The following FHIT variants were observed in gnomAD, a reference collection of about 807,000 sequenced individuals.
The protein encoded by FHIT is fragile histidine triad diadenosine triphosphatase.
In FHIT, 19 loss-of-function variants were observed where a neutral mutation model predicts 17.9. That is an observed-to-expected ratio of 1.06 (90% CI 0.74 to 1.56). The LOEUF (loss-of-function observed/expected upper bound fraction) is 1.56, where lower values mean the gene tolerates loss of function less well. Among genes scored for constraint, FHIT ranks in the 40% most tolerant of loss-of-function variants. The pLI is 0.00. For missense variants in FHIT, 248 were observed against 189.2 expected, an observed-to-expected ratio of 1.31 and a Z score of -1.82; for synonymous variants, 81 against 69.7, an observed-to-expected ratio of 1.16 and a Z score of -0.81.
intron 8 of FHIT, among the ~76,000 whole-genome samples, chr3:59,835,714 G>T (rs1701316161): frequency 6.6e-6 from 1 of 152,134 alleles, no homozygotes; most frequent in Admixed American, 6.6e-5. Context: ...ATTACAATAT[G>T]CATTGAGAAG....
rs11923919 is a variant in FHIT at position 60,496,539 on chromosome 3, G to T, written c.103+40321C>A. On this transcript the variant is annotated intron_variant, in intron 5 of 9. Transcript: ENST00000492590. ...ACAGATGTTTTCACCCAATGCTATGGAGTATCAACTGACACAAGCACTTAA... is the reference window on the plus strand; with the variant it reads ...ACAGATGTTTTCACCCAATGCTATGTAGTATCAACTGACACAAGCACTTAA... 2.3e-3 allele frequency among the ~76,000 whole-genome samples: 354 copies of T among 152,236 alleles called. 2 individuals are homozygous for T. Among genetic ancestry groups the T allele is most frequent in the African/African-American group, 7.7e-3 (320 of 41,540 alleles).
At chr3:60,779,619 T>C (rs1303791779) in intron 4 of FHIT, among the ~76,000 whole-genome samples, 1 of 152,090 alleles carries the variant, frequency 6.6e-6, no homozygotes, top group Admixed American at 6.6e-5. Flanking sequence ...GGAGGAGAAC[T>C]GGGTTCCACA....
rs866197406 is a variant in FHIT, at chr3:60,325,994, G to A, written c.103+210866C>T. Among the ~76,000 whole-genome samples the A allele has an allele frequency of 2.0e-5, 3 of 152,230 alleles. No individual in the cohort carries two copies. The South Asian group carries it at 6.2e-4, about 32-fold the overall frequency. On this transcript the variant is annotated intron_variant, in intron 5 of 9. Transcript: ENST00000492590. ...ATGATGCAAATACTATCAAGCGAGG[G>A]CACTTCCTGTCATATAACACAGAAG...
intron 2 of FHIT, among the ~76,000 whole-genome samples, chr3:61,120,845 TG>T (rs931814677): frequency 7.9e-5 from 12 of 151,586 alleles, no homozygotes; most frequent in African/African-American, 2.7e-4. Context: ...CTAAGAAACT[TG>T]AAAAAAGGTT....
chr3:60,543,717 A>C (rs1413063323), intron 4 of FHIT, among the ~76,000 whole-genome samples: 2 of 151,720 alleles, frequency 1.3e-5, no homozygotes, highest in Non-Finnish European at 2.9e-5. Context: ...ATTGCTTCTA[A>C]TGGTTTCTGC....
intron 3 of FHIT, among the ~76,000 whole-genome samples, chr3:60,964,646 A>G (rs1339877653): frequency 6.6e-6 from 1 of 152,182 alleles, no homozygotes; most frequent in African/African-American, 2.4e-5. Context: ...AAAGTCTCTC[A>G]GCATTTGCTT....
chr3:60,539,385 T>C (rs560849360), intron 4 of FHIT, among the ~76,000 whole-genome samples: 16 of 152,248 alleles, frequency 1.1e-4, no homozygotes, highest in South Asian at 2.1e-4. Flanking sequence ...GACAGTGTGG[T>C]GATTCCTCAG....
rs1353738100 is a variant in FHIT, at chr3:59,851,891, A to G, written c.348+70455T>C. ...GTCTTTTTAAAACAAACTAGTAAGA[A>G]GGTCCCAATTAAGAGAAAAAGAGTA... is the stretch of plus-strand genomic sequence containing the variant. On this transcript the variant is annotated intron_variant, in intron 8 of 9. Coordinates refer to ENST00000492590, the MANE Select transcript of FHIT (RefSeq NM_002012.4). Among the ~76,000 whole-genome samples the G allele has an allele frequency of 2.0e-5, 3 of 152,224 alleles. No individual in the cohort carries two copies. In the East Asian group the frequency reaches 5.8e-4, roughly 29 times the overall value.
rs190490614 is a variant in FHIT, at chr3:61,030,925, G to C, written c.-111+11122C>G. 4.5e-3 allele frequency among the ~76,000 whole-genome samples: 684 copies of C among 152,250 alleles called. 4 individuals carry two copies. The highest frequency in any genetic ancestry group is 0.02 in the Middle Eastern group (6 of 294). On this transcript the variant is annotated intron_variant, in intron 3 of 9. Transcript: ENST00000492590. ...CCATGTGGCTGCAGGAGAGTAAGGG[G>C]AGAAGGCAAGTAAAATGGTAGGAGA...
intron 4 of FHIT, among the ~76,000 whole-genome samples, chr3:60,672,874 C>CGTGCGTGTGTGTGTGTGT (rs1553694318): frequency 1.4e-5 from 2 of 139,478 alleles, no homozygotes; most frequent in Non-Finnish European, 3.1e-5. Context: ...CTCTTTGTAG[C>CGTGCGTGTGTGTGTGTGT]GTGTGTGTGT....
chr3:60,837,729 G>C (rs1702584936), intron 3 of FHIT, among the ~76,000 whole-genome samples: 1 of 151,792 alleles, frequency 6.6e-6, no homozygotes, highest in South Asian at 2.1e-4. Flanking sequence ...ACACTTTTTG[G>C]AATTCTGTTT....
At chr3:59,825,166 C>A (rs774167484) in intron 8 of FHIT, among the ~76,000 whole-genome samples, 1 of 152,170 alleles carries the variant, frequency 6.6e-6, no homozygotes, top group South Asian at 2.1e-4. Context: ...GGGTTTGATT[C>A]TTTTTCAATA....
At chr3:59,879,927 C>CCCCCCCCCCCCCCCCCA (rs1703335546) in intron 8 of FHIT, among the ~76,000 whole-genome samples, 2 of 114,676 alleles carry the variant, frequency 1.7e-5, no homozygotes, top group Non-Finnish European at 3.7e-5. Context: ...CCACCCCCCC[C>CCCCCCCCCCCCCCCCCA]CCCCCGCCCC....
At chr3:60,537,470 T>G in intron 4 of FHIT, 1 of 983,566 alleles carries the variant, frequency 1.0e-6, no homozygotes, top group Non-Finnish European at 1.2e-6. Flanking sequence ...TTGCCTACAA[T>G]TACAAAAACA....
chr3:59,923,196 GC>G (rs1390013032), intron 7 of FHIT, among the ~76,000 whole-genome samples: 2 of 117,236 alleles, frequency 1.7e-5, no homozygotes, highest in African/African-American at 6.7e-5. Context: ...CTGCACTCCA[GC>G]CTGGGCGACA....
intron 8 of FHIT, chr3:59,886,353 G>C (rs1559698558): frequency 6.6e-6 from 1 of 152,208 alleles, no homozygotes; most frequent in Non-Finnish European, 1.5e-5. Context: ...ACTAGACACT[G>C]TGCAGGTATT....
At chr3:60,275,870 T>C (rs911813401) in intron 5 of FHIT, among the ~76,000 whole-genome samples, 8 of 152,212 alleles carry the variant, frequency 5.3e-5, no homozygotes, top group Non-Finnish European at 1.0e-4. Context: ...TAGACTTCTT[T>C]TTATGTGTGC....
intron 7 of FHIT, among the ~76,000 whole-genome samples, chr3:59,970,569 G>A (rs750259737): frequency 3.9e-5 from 6 of 152,092 alleles, no homozygotes; most frequent in Non-Finnish European, 7.4e-5. Flanking sequence ...AGCAAGCGGA[G>A]GGAACAGCCT....
chr3:60,139,399 C>A (rs376027909), intron 5 of FHIT, among the ~76,000 whole-genome samples: 2 of 4 alleles, frequency 0.5, 1 homozygote. Context: ...GGGTTTAGCA[C>A]CCACTAAGTG....
Sources: allele counts gnomAD v4.1 joint callset (sites outside exome capture counted in the v4.1 genomes callset), GRCh38; gene constraint gnomAD v4.1.1; transcripts MANE v1.5; gene names NCBI Gene and HGNC (gene_info 2026-07-23, HGNC 2026-07-21).